Variants in MAST2 observed in about 807,000 individuals in gnomAD.
The protein encoded by MAST2 is microtubule associated serine/threonine kinase 2, also known as microtubule-associated serine/threonine-protein kinase 2.
MAST2 carries 70 observed loss-of-function variants against 147.4 expected under a neutral mutation model. The ratio of observed to expected loss-of-function variants is 0.47; its 90% CI spans 0.39 to 0.58. The LOEUF is 0.58. Ranked by LOEUF, MAST2 falls within the 20% of genes least tolerant of loss-of-function variation. The pLI is 0.00. For missense variants in MAST2, 2,080 were observed against 2,302.3 expected, an observed-to-expected ratio of 0.90 and a Z score of 1.98; for synonymous variants, 869 against 896.8, an observed-to-expected ratio of 0.97 and a Z score of 0.55.
intron 4 of MAST2, among the ~76,000 whole-genome samples, chr1:45,945,450 T>TG (rs1657890034): frequency 6.6e-6 from 1 of 152,040 alleles, no homozygotes; most frequent in Admixed American, 6.5e-5. Flanking sequence ...CTATTGAAAG[T>TG]GGGGGGCCTG....
At chr1:45,870,854 A>G (rs1646357504) in intron 3 of MAST2, among the ~76,000 whole-genome samples, 1 of 152,018 alleles carries the variant, frequency 6.6e-6, no homozygotes, top group Admixed American at 6.6e-5. Flanking sequence ...GTTTGAGCCT[A>G]GGAGGTCGAT....
At chr1:46,005,150 G>A (rs555447540) in intron 7 of MAST2, among the ~76,000 whole-genome samples, 1 of 152,294 alleles carries the variant, frequency 6.6e-6, no homozygotes, top group East Asian at 1.9e-4. Context: ...ATCACCTGAG[G>A]TCGGGAGTTC....
intron 3 of MAST2, among the ~76,000 whole-genome samples, chr1:45,873,944 C>G (rs1185963615): frequency 6.6e-6 from 1 of 152,186 alleles, no homozygotes; most frequent in African/African-American, 2.4e-5. Context: ...CCTCAGCCCC[C>G]TGAGTAGCTG....
intron 3 of MAST2, among the ~76,000 whole-genome samples, chr1:45,858,773 C>T (rs1449007735): frequency 6.6e-6 from 1 of 151,414 alleles, no homozygotes; most frequent in Non-Finnish European, 1.5e-5. Context: ...TTTAATCCAT[C>T]TTGAATTAAT....
chr1:45,833,845 A>G (rs1645028855), intron 3 of MAST2, among the ~76,000 whole-genome samples: 1 of 149,800 alleles, frequency 6.7e-6, no homozygotes, highest in Non-Finnish European at 1.5e-5. Context: ...TTTCCCAGGG[A>G]ACTGCTTTTT....
At chr1:45,905,288 G>T (rs982530508) in intron 4 of MAST2, among the ~76,000 whole-genome samples, 6 of 150,608 alleles carry the variant, frequency 4.0e-5, no homozygotes, top group Admixed American at 2.7e-4. Context: ...GTGTTCAAGT[G>T]ATTCCTCTGC....
intron 5 of MAST2, among the ~76,000 whole-genome samples, chr1:45,963,037 T>C (rs1322542828): frequency 6.6e-6 from 1 of 152,150 alleles, no homozygotes. Flanking sequence ...TCCCCATTTC[T>C]TGTTTTTGTC....
chr1:45,986,423 A>G (rs1420502339), intron 5 of MAST2, among the ~76,000 whole-genome samples: 3 of 152,124 alleles, frequency 2.0e-5, no homozygotes, highest in Non-Finnish European at 2.9e-5. Context: ...TATTTAGAGA[A>G]TATTCGTTTA....
intron 4 of MAST2, among the ~76,000 whole-genome samples, chr1:45,923,945 T>A (rs893603451): frequency 1.3e-5 from 2 of 152,112 alleles, no homozygotes; most frequent in African/African-American, 4.8e-5. Context: ...GATCTCGGCT[T>A]ACTGCAACCT....
At chr1:45,878,154 A>C (rs1219796954) in intron 3 of MAST2, among the ~76,000 whole-genome samples, 1 of 151,344 alleles carries the variant, frequency 6.6e-6, no homozygotes, top group Admixed American at 6.6e-5. Flanking sequence ...CAGTGAGCAG[A>C]GATCACGCCA....
intron 5 of MAST2, among the ~76,000 whole-genome samples, chr1:45,975,426 A>G (rs1392760839): frequency 1.5e-5 from 2 of 135,296 alleles, no homozygotes; most frequent in Non-Finnish European, 3.1e-5. Context: ...TGGGAGGCCA[A>G]GGTGGGAGGA....
intron 5 of MAST2, among the ~76,000 whole-genome samples, chr1:45,970,404 C>G (rs1000369448): frequency 6.6e-6 from 1 of 152,144 alleles, no homozygotes; most frequent in South Asian, 2.1e-4. Context: ...GTGGCTCACA[C>G]TTGTAATCCC....
chr1:46,013,610 G>C (rs764314242), intron 10 of MAST2, among the ~76,000 whole-genome samples: 54 of 151,978 alleles, frequency 3.6e-4, no homozygotes, highest in Non-Finnish European at 7.5e-4. Context: ...AACTCAGTAG[G>C]TGGAGGTTGC....
At chr1:45,829,183 C>T (rs1644879987) in intron 2 of MAST2, among the ~76,000 whole-genome samples, 1 of 152,040 alleles carries the variant, frequency 6.6e-6, no homozygotes, top group African/African-American at 2.4e-5. Context: ...GAGTGGGAGG[C>T]TGGCATGTGG....
chr1:45,910,111 TG>T (rs763842202), intron 4 of MAST2, among the ~76,000 whole-genome samples: 12 of 124,530 alleles, frequency 9.6e-5, no homozygotes, highest in African/African-American at 2.5e-4. Context: ...TGTGTGCAGT[TG>T]TTTTTTTTTT....
At chr1:45,817,535 G>T (rs1012166036) in intron 1 of MAST2, among the ~76,000 whole-genome samples, 2 of 152,168 alleles carry the variant, frequency 1.3e-5, no homozygotes, top group Non-Finnish European at 2.9e-5. Context: ...GAGAAGTCGA[G>T]TAATTTCATC....
At chr1:45,848,358 A>C (rs1645510998) in intron 3 of MAST2, among the ~76,000 whole-genome samples, 3 of 152,216 alleles carry the variant, frequency 2.0e-5, no homozygotes, top group African/African-American at 7.2e-5. Flanking sequence ...TATGCTGAAC[A>C]TTTACTTACC....
At chr1:46,018,444 C>G (rs1646049101) in intron 10 of MAST2, among the ~76,000 whole-genome samples, 3 of 152,086 alleles carry the variant, frequency 2.0e-5, no homozygotes, top group Admixed American at 1.3e-4. Context: ...ATAGTTTAAA[C>G]AGTAAAGGGA....
chr1:45,847,580 G>T, intron 3 of MAST2: 1 of 799,608 alleles, frequency 1.3e-6, no homozygotes, highest in Non-Finnish European at 2.0e-6. Context: ...TTCCCATCCT[G>T]CACTTTTTCC....
Sources: gnomAD v4.1 joint callset for allele counts (sites outside exome capture counted in the v4.1 genomes callset) on GRCh38, gnomAD v4.1.1 for gene constraint, MANE v1.5 for transcripts, NCBI Gene and HGNC (gene_info 2026-07-23, HGNC 2026-07-21) for gene names.